Variants in RCAN1 observed in about 807,000 individuals in gnomAD.
RCAN1 encodes the protein calcipressin-1.
In RCAN1, 11 loss-of-function variants were observed where a neutral mutation model predicts 22.9. That is an observed-to-expected ratio of 0.48 (90% CI 0.30 to 0.79). The LOEUF is 0.79. Ranked by LOEUF, RCAN1 falls within the 30% of genes least tolerant of loss-of-function variation. The pLI is 0.06. For synonymous variants in RCAN1, 136 were observed against 142.3 expected (o/e 0.96, Z 0.32); for missense variants, 291 against 337.8 (o/e 0.86, Z 1.09).
intron 1 of RCAN1, among the ~76,000 whole-genome samples, chr21:34,562,397 T>A (rs925097380): frequency 1.6e-4 from 24 of 152,174 alleles, no homozygotes; most frequent in Admixed American, 1.5e-3. Flanking sequence ...CGTATTTCCA[T>A]GGTGGCATAT....
intron 1 of RCAN1, among the ~76,000 whole-genome samples, chr21:34,606,271 A>T (rs1301308950): frequency 1.3e-5 from 2 of 151,864 alleles, no homozygotes; most frequent in African/African-American, 4.8e-5. Flanking sequence ...ACCCTATAAA[A>T]CTTCCTTCCA....
intron 1 of RCAN1, among the ~76,000 whole-genome samples, chr21:34,578,153 G>A (rs1319137812): frequency 6.6e-6 from 1 of 152,172 alleles, no homozygotes; most frequent in African/African-American, 2.4e-5. Context: ...AAACACAAAA[G>A]AGCAAGAGGT....
chr21:34,556,187 G>A (rs1385793749), intron 1 of RCAN1, among the ~76,000 whole-genome samples: 2 of 150,598 alleles, frequency 1.3e-5, no homozygotes, highest in East Asian at 3.9e-4. Context: ...ACTTTGGGAG[G>A]CTGAGGCGGG....
intron 1 of RCAN1, among the ~76,000 whole-genome samples, chr21:34,540,538 A>G (rs1435500664): frequency 1.3e-5 from 2 of 152,176 alleles, no homozygotes; most frequent in African/African-American, 2.4e-5. Flanking sequence ...CCACACTTTA[A>G]TTGATTTCCT....
At chr21:34,587,511 A>G (rs1987839519) in intron 1 of RCAN1, among the ~76,000 whole-genome samples, 1 of 152,206 alleles carries the variant, frequency 6.6e-6, no homozygotes, top group South Asian at 2.1e-4. Flanking sequence ...TATATCTTTC[A>G]TGAACATAAA....
chr21:34,577,133 T>C (rs1293726999), intron 1 of RCAN1, among the ~76,000 whole-genome samples: 1 of 152,204 alleles, frequency 6.6e-6, no homozygotes, highest in Non-Finnish European at 1.5e-5. Flanking sequence ...TGAGCACCAC[T>C]GCACTAATGA....
intron 1 of RCAN1, among the ~76,000 whole-genome samples, chr21:34,578,027 G>A (rs1265407752): frequency 6.6e-6 from 1 of 152,168 alleles, no homozygotes; most frequent in Non-Finnish European, 1.5e-5. Context: ...CCCTGCAGAG[G>A]GGTGTGGACT....
rs982715263 is a variant in RCAN1 at position 34,528,722 on chromosome 21, C to T, written c.253-5012G>A. The stretch of plus-strand genomic sequence containing the variant: ...CCCCTCTCCAACTCTTTGTCTCCCC[C>T]TTTTCTCTTCTCCTGGCATGCACCT... On this transcript the variant is annotated intron_variant, in intron 1 of 3. Coordinates refer to ENST00000313806, the MANE Select transcript of RCAN1 (RefSeq NM_004414.7). 7.7e-4 allele frequency among the ~76,000 whole-genome samples: 117 copies of T among 152,190 alleles called. 1 individual carries two copies. The highest frequency in any genetic ancestry group is 2.5e-4 in the Non-Finnish European group (17 of 68,032).
intron 1 of RCAN1, among the ~76,000 whole-genome samples, chr21:34,529,054 T>C (rs1985235750): frequency 6.6e-6 from 1 of 152,190 alleles, no homozygotes; most frequent in Non-Finnish European, 1.5e-5. Flanking sequence ...AAACATGTAA[T>C]TCTATATCTG....
At chr21:34,595,747 A>G (rs1568928413) in intron 1 of RCAN1, among the ~76,000 whole-genome samples, 1 of 152,208 alleles carries the variant, frequency 6.6e-6, no homozygotes, top group Non-Finnish European at 1.5e-5. Context: ...ACTGCTCCCA[A>G]CACCCACTCA....
At chr21:34,587,119 G>A (rs917123725) in intron 1 of RCAN1, among the ~76,000 whole-genome samples, 2 of 152,072 alleles carry the variant, frequency 1.3e-5, no homozygotes, top group African/African-American at 4.8e-5. Flanking sequence ...TACCAGGATT[G>A]AAAAAGGAAA....
Position 34,517,969 on chromosome 21 carries a change from T to C in RCAN1, c.*115A>G. 7.6e-7 allele frequency: 1 copy of C among 1,308,198 alleles called. No homozygotes were observed. Among genetic ancestry groups the C allele is most frequent in the Non-Finnish European group, 1.1e-6 (1 of 930,674 alleles). The allele number at this position is 1,308,198 out of a possible 1,614,324, so 81.0% of individuals were successfully genotyped here. The stretch of plus-strand genomic sequence containing the variant: ...CTCTTCTGAGCAACATGAACTGGGA[T>C]TTCTGCCACCCCGATCTCGGCTGCC... On this transcript the variant is annotated 3_prime_UTR_variant, in exon 4 of 4. Coordinates refer to ENST00000313806, the MANE Select transcript of RCAN1 (RefSeq NM_004414.7).
chr21:34,519,634 T>C (rs1984344864), intron 3 of RCAN1, among the ~76,000 whole-genome samples: 1 of 152,084 alleles, frequency 6.6e-6, no homozygotes, highest in Admixed American at 6.6e-5. Flanking sequence ...CCTGACCTCG[T>C]GATCCGCCTG....
rs144256509 is a variant in RCAN1 at position 34,576,739 on chromosome 21, A to G, written c.252+38021T>C. Reference sequence around the variant, plus strand: ...GACTCTAATCACCGCTCAGCAAGAAATCTATGCTAATCACATCAATATTAT... The same window carrying G: ...GACTCTAATCACCGCTCAGCAAGAAGTCTATGCTAATCACATCAATATTAT... On this transcript the variant is annotated intron_variant, in intron 1 of 3. Transcript: ENST00000313806. Among the ~76,000 whole-genome samples, 390 of 152,318 alleles carry G rather than the reference A, an allele frequency of 2.6e-3. 4 individuals are homozygous for G. The highest frequency in any genetic ancestry group is 8.7e-3 in the African/African-American group (362 of 41,574).
At chr21:34,601,076 T>G (rs1187924772) in intron 1 of RCAN1, among the ~76,000 whole-genome samples, 3 of 152,216 alleles carry the variant, frequency 2.0e-5, no homozygotes, top group South Asian at 2.1e-4. Context: ...GCTTATTATT[T>G]AATGGACTTA....
At chr21:34,574,920 G>T (rs1478970208) in intron 1 of RCAN1, among the ~76,000 whole-genome samples, 1 of 152,194 alleles carries the variant, frequency 6.6e-6, no homozygotes, top group East Asian at 1.9e-4. Context: ...TCAGGTTTTA[G>T]CGTCAAATTA....
At chr21:34,576,165 A>G (rs893356705) in intron 1 of RCAN1, among the ~76,000 whole-genome samples, 2 of 152,214 alleles carry the variant, frequency 1.3e-5, no homozygotes, top group Non-Finnish European at 2.9e-5. Flanking sequence ...ACCCAGTGAC[A>G]TCATTCTCTG....
intron 1 of RCAN1, among the ~76,000 whole-genome samples, chr21:34,585,742 CAAAAAA>C (rs59014706): frequency 6.5e-5 from 3 of 45,986 alleles, no homozygotes; most frequent in East Asian, 6.1e-4. Context: ...GACTCCATCT[CAAAAAA>C]AAAAAAAAAA....
At chr21:34,544,859 G>A (rs1009494941) in intron 1 of RCAN1, among the ~76,000 whole-genome samples, 1 of 152,222 alleles carries the variant, frequency 6.6e-6, no homozygotes, top group Non-Finnish European at 1.5e-5. Flanking sequence ...AGGGACGCAC[G>A]TGGAAGAGGG....
Sources: gnomAD v4.1 joint callset for allele counts (sites outside exome capture counted in the v4.1 genomes callset) on GRCh38, gnomAD v4.1.1 for gene constraint, MANE v1.5 for transcripts, NCBI Gene and HGNC (gene_info 2026-07-23, HGNC 2026-07-21) for gene names.